EBF2: variants seen among roughly 807,000 people sequenced by gnomAD.
The protein encoded by EBF2 is EBF transcription factor 2, also known as transcription factor COE2.
In EBF2, 21 loss-of-function variants were observed where a neutral mutation model predicts 72.8. The ratio of observed to expected loss-of-function variants is 0.29; its 90% CI spans 0.20 to 0.42. EBF2 has a LOEUF of 0.42. EBF2 is among the 10% of genes least tolerant of loss of function. The pLI, the probability that EBF2 is intolerant of heterozygous loss-of-function variation, is 1.00. For synonymous variants in EBF2, 299 were observed against 274.2 expected (o/e 1.09, Z -0.89); for missense variants, 637 against 731.2 (o/e 0.87, Z 1.49).
intron 15 of EBF2, among the ~76,000 whole-genome samples, chr8:25,846,629 C>G (rs777497172): frequency 6.6e-6 from 1 of 152,126 alleles, no homozygotes; most frequent in African/African-American, 2.4e-5. Context: ...GTCAAGGCTG[C>G]AGTGAGCCAT....
chr8:26,010,120 G>T (rs552653161), intron 6 of EBF2, among the ~76,000 whole-genome samples: 72 of 152,312 alleles, frequency 4.7e-4, no homozygotes, highest in African/African-American at 1.6e-3. Flanking sequence ...TGAGGTCATG[G>T]AGTCCTCCTG....
chr8:26,040,717 C>G (rs1805585631), intron 3 of EBF2, 46 bp from the exon 4 acceptor site: 1 of 1,547,372 alleles, frequency 6.5e-7, no homozygotes, highest in East Asian at 2.4e-5. Flanking sequence ...AGAGCCCCTT[C>G]CGGGCACCCC....
intron 2 of EBF2, among the ~76,000 whole-genome samples, chr8:26,041,864 CCAGGCTCGGTGCG>C (rs1805606124): frequency 6.6e-6 from 1 of 152,168 alleles, no homozygotes; most frequent in South Asian, 2.1e-4. Context: ...ACTAAGGCCT[CCAGGCTCGGTGCG>C]CAGAGCCGGG....
chr8:25,846,820 C>G (rs1801847654), intron 15 of EBF2, among the ~76,000 whole-genome samples: 1 of 152,156 alleles, frequency 6.6e-6, no homozygotes, highest in Admixed American at 6.5e-5. Flanking sequence ...TGAGATATAT[C>G]CCTTCCTCCT....
At position 26,033,165 on chromosome 8, in the gene EBF2, G is replaced by A; in HGVS notation, c.483-12C>T. 6.2e-7 allele frequency: 1 copy of A among 1,613,796 alleles called. No homozygotes were observed. The highest frequency in any genetic ancestry group is 8.5e-7 in the Non-Finnish European group (1 of 1,179,766). On this transcript the variant is annotated splice_polypyrimidine_tract_variant and intron_variant, in intron 5 of 15. Coordinates refer to ENST00000520164, the MANE Select transcript of EBF2 (RefSeq NM_022659.4). ...TTTCGCAGCATCGACTGTAGATTGG[G>A]AAGGAACCAAGAGTGAAAGAAATTT...
intron 6 of EBF2, among the ~76,000 whole-genome samples, chr8:25,958,735 C>T (rs116022197): frequency 6.6e-6 from 1 of 152,158 alleles, no homozygotes; most frequent in Non-Finnish European, 1.5e-5. Flanking sequence ...TACTACCTAA[C>T]GACAGTTGCC....
In EBF2 at chr8:25,844,247, G is replaced by GAAAAACAAATAGTATCCAAAAT. The variant is rs1801788070; in HGVS notation, c.*340_*361dup. On this transcript the variant is annotated 3_prime_UTR_variant, in exon 16 of 16. Coordinates refer to ENST00000520164, the MANE Select transcript of EBF2 (RefSeq NM_022659.4). ...ACTTTCAACTTTTTTTTCCTACAAA[G>GAAAAACAAATAGTATCCAAAAT]AAAAACAAATAGTATCCAAAATATT... 1 of 163,824 alleles carries GAAAAACAAATAGTATCCAAAAT rather than the reference G, an allele frequency of 6.1e-6. No individual in the cohort carries two copies. The highest frequency in any genetic ancestry group is 2.4e-5 in the African/African-American group (1 of 41,844). 10.1% of individuals were successfully genotyped at this position (163,824 alleles called of 1,614,324 possible).
At chr8:25,844,721 A>G in intron 15 of EBF2, 81 bp from the exon 16 acceptor site, 4 of 1,537,292 alleles carry the variant, frequency 2.6e-6, no homozygotes, top group Non-Finnish European at 3.6e-6. Context: ...GGGGCAGGGG[A>G]TGGGAATGAT....
chr8:25,870,991 G>A (rs898075828), intron 10 of EBF2, among the ~76,000 whole-genome samples: 10 of 152,092 alleles, frequency 6.6e-5, no homozygotes, highest in African/African-American at 2.4e-4. Flanking sequence ...GAAGTAGAAA[G>A]CATGAAGCTG....
intron 14 of EBF2, among the ~76,000 whole-genome samples, chr8:25,853,497 T>TAGAAAA (rs10692578): frequency 0.3 from 45,642 of 151,562 alleles, 6,983 homozygotes; most frequent in Middle Eastern, 0.41. Flanking sequence ...ACTCACTAAA[T>TAGAAAA]AGAAAAACTT....
intron 6 of EBF2, among the ~76,000 whole-genome samples, chr8:26,008,615 T>G (rs1274357915): frequency 2.0e-5 from 3 of 152,126 alleles, no homozygotes. Flanking sequence ...CTAAGTGCAG[T>G]TAGAAGAATT....
intron 10 of EBF2, among the ~76,000 whole-genome samples, chr8:25,868,896 T>A (rs189425347): frequency 1.3e-5 from 2 of 152,208 alleles, no homozygotes; most frequent in African/African-American, 2.4e-5. Flanking sequence ...GCCTTCTATC[T>A]TCCCACCTCT....
intron 5 of EBF2, among the ~76,000 whole-genome samples, chr8:26,034,140 A>T (rs1029419255): frequency 1.3e-5 from 2 of 152,202 alleles, no homozygotes; most frequent in African/African-American, 4.8e-5. Context: ...TTTACATAAC[A>T]TCTTTCTCCA....
chr8:25,882,502 T>C (rs1347416809), intron 10 of EBF2, among the ~76,000 whole-genome samples: 4 of 152,174 alleles, frequency 2.6e-5, no homozygotes, highest in African/African-American at 9.7e-5. Flanking sequence ...GCTTGAAATC[T>C]GCCATGGTGA....
intron 6 of EBF2, among the ~76,000 whole-genome samples, chr8:25,989,091 A>T (rs62499109): frequency 1.3e-5 from 2 of 152,370 alleles, no homozygotes; most frequent in East Asian, 3.9e-4. Flanking sequence ...TTGGCTTTGC[A>T]CAAATGCCTT....
intron 15 of EBF2, among the ~76,000 whole-genome samples, chr8:25,845,456 C>T (rs1329191922): frequency 1.3e-5 from 2 of 152,130 alleles, no homozygotes; most frequent in African/African-American, 4.8e-5. Flanking sequence ...GAACTCCTGG[C>T]CTCAGGTGAT....
At chr8:25,931,496 A>T (rs377489199) in intron 6 of EBF2, among the ~76,000 whole-genome samples, 2 of 152,216 alleles carry the variant, frequency 1.3e-5, no homozygotes, top group South Asian at 2.1e-4. Flanking sequence ...GTTTATGGGC[A>T]TAGAGAGAAT....
intron 6 of EBF2, among the ~76,000 whole-genome samples, chr8:26,008,467 G>A (rs1585225451): frequency 6.6e-6 from 1 of 152,108 alleles, no homozygotes; most frequent in African/African-American, 2.4e-5. Flanking sequence ...GCCTAGTGTA[G>A]TGGTGCCACA....
At position 26,044,166 on chromosome 8, in the gene EBF2, C is replaced by G. The variant is rs1050578946; in HGVS notation, c.131+563G>C. Among the ~76,000 whole-genome samples, 26 of 152,248 alleles carry G rather than the reference C, an allele frequency of 1.7e-4. No individual in the cohort carries two copies. The highest frequency in any genetic ancestry group is 5.3e-4 in the African/African-American group (22 of 41,468). On this transcript the variant is annotated intron_variant, in intron 1 of 15. Coordinates refer to ENST00000520164, the MANE Select transcript of EBF2 (RefSeq NM_022659.4). The surrounding 1 kb of genome is among the most constrained non-coding windows in gnomAD (Gnocchi z 4.1). ...AGCCGGGACCCTCCAGCCTGTCCCCCCTCCCAGAGCTCCCGGCCGCCTCGT... is the reference window on the plus strand; with the variant it reads ...AGCCGGGACCCTCCAGCCTGTCCCCGCTCCCAGAGCTCCCGGCCGCCTCGT...
Sources: gnomAD v4.1 joint callset for allele counts (sites outside exome capture counted in the v4.1 genomes callset) on GRCh38, gnomAD v4.1.1 for gene constraint, Gnocchi (gnomAD v3.1) non-coding constraint, MANE v1.5 for transcripts, NCBI Gene and HGNC (gene_info 2026-07-23, HGNC 2026-07-21) for gene names.